Variants in NAV1 observed in about 807,000 individuals in gnomAD.
NAV1 encodes pore membrane and/or filament interacting like protein 3.
In NAV1, 18 loss-of-function variants were observed where a neutral mutation model predicts 175.2. That is an observed-to-expected ratio of 0.10 (90% CI 0.07 to 0.15). The LOEUF (loss-of-function observed/expected upper bound fraction) is 0.15. Among genes scored for constraint, NAV1 ranks in the 10% least tolerant of loss-of-function variants. The pLI is 1.00. For synonymous variants in NAV1, 897 were observed against 978.7 expected (o/e 0.92, Z 1.56); for missense variants, 1,731 against 2,436.6 (o/e 0.71, Z 6.10).
intron 2 of NAV1, among the ~76,000 whole-genome samples, chr1:201,591,932 G>C (rs1434678621): frequency 6.6e-6 from 1 of 152,160 alleles, no homozygotes; most frequent in African/African-American, 2.4e-5. Context: ...TATCAAAATT[G>C]CCACCTGGAT....
rs1673351085 is a variant in NAV1 at position 201,740,503 on chromosome 1, GGGCTTGC to G, written c.1226+21749_1226+21755del. 6.6e-6 allele frequency among the ~76,000 whole-genome samples: 1 copy of G among 152,218 alleles called. No homozygotes were observed. The highest frequency in any genetic ancestry group is 2.4e-5 in the African/African-American group (1 of 41,458). ...GGGACCAGGCGGGTGGAAGGAGGAG[GGGCTTGC>G]AGCCCCAGGTCGGCCCTGCCAAGGT... is the stretch of plus-strand genomic sequence containing the variant. On this transcript the variant is annotated intron_variant, in intron 3 of 29. Transcript: ENST00000367296. This position sits in a 1 kb window ranked among gnomAD's most constrained non-coding sequence, Gnocchi z 4.7.
rs140633345 is a variant in NAV1, at chr1:201,710,720, T to C, written c.758-2097T>C. Among the ~76,000 whole-genome samples the C allele has an allele frequency of 7.6e-3, 1,165 of 152,340 alleles. 5 individuals carry two copies. The highest frequency in any genetic ancestry group is 0.01 in the Non-Finnish European group (684 of 68,032). Reference sequence around the variant, plus strand: ...GTGCTACATGCTAGGTGTGTGACCTTGGGCAGTTTACTTGTTCTCTCTGAG... The same window carrying C: ...GTGCTACATGCTAGGTGTGTGACCTCGGGCAGTTTACTTGTTCTCTCTGAG... On this transcript the variant is annotated intron_variant, in intron 1 of 29. Coordinates refer to ENST00000367296, the Ensembl canonical transcript of NAV1.
chr1:201,744,308 G>GTATT lies in NAV1; in HGVS notation c.1226+25556_1226+25557insTTAT, dbSNP rs1405768833. Among the ~76,000 whole-genome samples the GTATT allele has an allele frequency of 6.5e-3, 856 of 132,684 alleles. 5 individuals are homozygous for GTATT. The highest frequency in any genetic ancestry group is 0.022 in the African/African-American group (741 of 34,052). 87.0% of individuals were successfully genotyped at this position (132,684 alleles called of 152,430 possible). On this transcript the variant is annotated intron_variant, in intron 3 of 29. Coordinates refer to ENST00000367296, the Ensembl canonical transcript of NAV1. ...CCCTAAGGAGCTGACGGCTATGTAT[G>GTATT]TATGTATGTATTTATTTATTTATTT...
At chr1:201,645,690 T>TCATAGTGAAAATATA (rs1553247467), upstream of NAV1, among the ~76,000 whole-genome samples, 3 of 151,548 alleles carry the variant, frequency 2.0e-5, no homozygotes, top group Non-Finnish European at 4.4e-5. Context: ...GTGGAATGTG[T>TCATAGTGAAAATATA]CACAGTGAAA....
intron 29 of NAV1, among the ~76,000 whole-genome samples, chr1:201,819,555 C>T (rs990028838): frequency 1.3e-5 from 2 of 151,324 alleles, no homozygotes; most frequent in African/African-American, 4.9e-5. Context: ...CTCCTAGGCT[C>T]ATAGGCTCGA....
intron 3 of NAV1, among the ~76,000 whole-genome samples, chr1:201,733,932 C>T (rs550504934): frequency 3.9e-5 from 6 of 152,118 alleles, no homozygotes; most frequent in Non-Finnish European, 4.4e-5. Flanking sequence ...GGGAGAGGGA[C>T]GATGTGATCC....
intron 1 of NAV1, among the ~76,000 whole-genome samples, chr1:201,689,580 G>A (rs914766822): frequency 6.6e-6 from 1 of 152,164 alleles, no homozygotes; most frequent in Non-Finnish European, 1.5e-5. Flanking sequence ...TGCCTGTTCT[G>A]GGGGTTGTTT....
At chr1:201,678,597 G>T (rs1670350844) in intron 1 of NAV1, among the ~76,000 whole-genome samples, 1 of 152,162 alleles carries the variant, frequency 6.6e-6, no homozygotes. Flanking sequence ...CTTCAGCGAA[G>T]AAGAAAGGAG....
At chr1:201,569,958 G>T (rs1020341061) in intron 1 of NAV1, among the ~76,000 whole-genome samples, 4 of 152,304 alleles carry the variant, frequency 2.6e-5, no homozygotes, top group Admixed American at 6.5e-5. Context: ...GACAACACCT[G>T]CCCTGTCCAG....
chr1:201,540,372 G>T (rs1363225370), intron 1 of NAV1, among the ~76,000 whole-genome samples: 2 of 152,194 alleles, frequency 1.3e-5, no homozygotes, highest in Non-Finnish European at 2.9e-5. Context: ...CCATTGGCTC[G>T]TTCAAATTCA....
chr1:201,820,849 T>C (rs1429824349), exon 30 of NAV1: 1 of 151,882 alleles, frequency 6.6e-6, no homozygotes. Context: ...TTCCATTTCC[T>C]CACATGTCCA....
chr1:201,588,928 A>T (rs1667113066), intron 2 of NAV1, among the ~76,000 whole-genome samples: 1 of 151,788 alleles, frequency 6.6e-6, no homozygotes, highest in Non-Finnish European at 1.5e-5. Flanking sequence ...GTTCACTGCA[A>T]CCTCTGCCTC....
At chr1:201,722,836 T>A (rs1672443826) in intron 3 of NAV1, among the ~76,000 whole-genome samples, 1 of 152,266 alleles carries the variant, frequency 6.6e-6, no homozygotes, top group Non-Finnish European at 1.5e-5. Flanking sequence ...CCAGGCGCGG[T>A]GGCTCACACC....
intron 1 of NAV1, among the ~76,000 whole-genome samples, chr1:201,668,649 T>C (rs1571873760): frequency 6.6e-6 from 1 of 152,210 alleles, no homozygotes. Flanking sequence ...ACCCCACTGC[T>C]TGGAAGGTTG....
At chr1:201,689,664 G>A (rs897466133) in intron 1 of NAV1, among the ~76,000 whole-genome samples, 4 of 152,052 alleles carry the variant, frequency 2.6e-5, no homozygotes, top group African/African-American at 9.7e-5. Context: ...TAACACATAT[G>A]GAGATCTACC....
intron 1 of NAV1, among the ~76,000 whole-genome samples, chr1:201,699,750 C>T (rs1293063252): frequency 2.0e-5 from 3 of 152,096 alleles, no homozygotes; most frequent in Non-Finnish European, 4.4e-5. Context: ...GAGATGTAGA[C>T]CAATGGAACA....
intron 1 of NAV1, among the ~76,000 whole-genome samples, chr1:201,697,266 G>A (rs1671232009): frequency 6.6e-6 from 1 of 152,168 alleles, no homozygotes; most frequent in Non-Finnish European, 1.5e-5. Context: ...CAGTAGAGGG[G>A]TGAAGGGATC....
chr1:201,554,467 TG>T (rs535665338), intron 1 of NAV1, among the ~76,000 whole-genome samples: 92 of 152,176 alleles, frequency 6.0e-4, no homozygotes, highest in Non-Finnish European at 1.1e-3. Context: ...GAGGGAGAGT[TG>T]GGCCAGCAGA....
chr1:201,599,017 T>G (rs766771385), intron 2 of NAV1, among the ~76,000 whole-genome samples: 1 of 152,148 alleles, frequency 6.6e-6, no homozygotes, highest in African/African-American at 2.4e-5. Context: ...GAGCCTCTAG[T>G]GGGGACAGGA....
Sources: allele counts gnomAD v4.1 joint callset (sites outside exome capture counted in the v4.1 genomes callset), GRCh38; gene constraint gnomAD v4.1.1; non-coding constraint Gnocchi (gnomAD v3.1); transcripts MANE v1.5; gene names NCBI Gene and HGNC (gene_info 2026-07-23, HGNC 2026-07-21).